The following MEIOC variants were observed in gnomAD, a reference collection of about 807,000 sequenced individuals.
The protein encoded by MEIOC is meiosis-specific coiled-coil domain-containing protein MEIOC.
Under a neutral mutation model 85.3 loss-of-function variants are expected in MEIOC, and 9 were observed. The ratio of observed to expected loss-of-function variants is 0.11; its 90% confidence interval spans 0.06 to 0.18. The LOEUF is 0.18. Ranked by LOEUF, MEIOC falls within the 10% of genes least tolerant of loss-of-function variation. The pLI is 1.00. For synonymous variants in MEIOC, 365 were observed against 393.7 expected (o/e 0.93, Z 0.86); for missense variants, 898 against 1,129.4 (o/e 0.80, Z 2.94).
intron 3 of MEIOC, among the ~76,000 whole-genome samples, chr17:44,663,557 A>G (rs960786739): frequency 1.8e-4 from 27 of 152,226 alleles, no homozygotes. Context: ...TAAAGTTGAT[A>G]CATGCTATTG....
chr17:44,666,497 T>A lies in MEIOC; in HGVS notation c.586T>A (p.Tyr196Asn). 1 of 1,600,526 alleles carries A rather than the reference T, an allele frequency of 6.2e-7. No homozygotes were observed. Among genetic ancestry groups the A allele is most frequent in the East Asian group, 2.2e-5 (1 of 44,688 alleles). ...TACAGTCATCTCTCAGCAAGCTTTT[T>A]ATAGTGATGAATCTGTGTCAGCAAT... The part of the protein sequence containing the change: ...IDTVISQQAF[Y>N]SDESVSAMEK... Residue 196 changes from tyrosine to asparagine, a missense_variant, in exon 5 of 8, where the codon TAT (tyrosine) becomes AAT (asparagine). Physicochemically the swap from Tyr to Asn is moderately radical, Grantham distance 143 (BLOSUM62 -2). This residue lies in a region of MEIOC where 734 missense variants were observed against 860.1 expected (regional missense o/e 0.85). Transcript: ENST00000409122.
Position 44,667,904 on chromosome 17 carries a change from T to C in MEIOC, c.1993T>C (p.Phe665Leu). 6.2e-7 allele frequency: 1 copy of C among 1,613,910 alleles called. No individual in the cohort carries two copies. The highest frequency in any genetic ancestry group is 8.5e-7 in the Non-Finnish European group (1 of 1,179,844). ...SRVNRTQVSC[F>L]SNNYMMGDLR... is the part of the protein sequence containing the mutation. ...TGTGAATCGCACACAAGTGTCATGC[T>C]TTTCTAATAATTATATGATGGGAGA... The change falls in exon 5 of 8, where the codon TTT becomes CTT. Residue 665 changes from phenylalanine (F) to leucine (L), a missense_variant. This residue lies in a region of MEIOC where 734 missense variants were observed against 860.1 expected (regional missense o/e 0.85). Coordinates refer to ENST00000409122, the MANE Select transcript of MEIOC (RefSeq NM_001145080.3).
In MEIOC at chr17:44,666,893, T is replaced by C. The variant is rs777258707; in HGVS notation, c.982T>C (p.Tyr328His). Residue 328 changes from tyrosine to histidine, a missense_variant, in exon 5 of 8, where the codon TAC becomes CAC. Around this residue, in one of 2 missense-constraint regions of MEIOC, gnomAD observed 734 missense variants for 860.1 expected, o/e 0.85. Coordinates refer to ENST00000409122, the MANE Select transcript of MEIOC (RefSeq NM_001145080.3). ...CAATGAAAATGTAGATTATTGTAGA[T>C]ACCCAGAGTATGTTCATCCTAATAA... ...RYNENVDYCR[Y>H]PEYVHPNKAK... 3.7e-6 allele frequency: 6 copies of C among 1,609,352 alleles called. No individual in the cohort carries two copies. The Middle Eastern group carries it at 5.0e-4, about 133-fold the overall frequency.
chr17:44,674,526 A>G lies in MEIOC; in HGVS notation c.*330A>G. 1 of 1,032,572 alleles carries G rather than the reference A, an allele frequency of 9.7e-7. No homozygotes were observed. The highest frequency in any genetic ancestry group is 1.2e-6 in the Non-Finnish European group (1 of 858,222). 64.0% of individuals were successfully genotyped at this position (1,032,572 alleles called of 1,614,324 possible). On this transcript the variant is annotated 3_prime_UTR_variant, in exon 8 of 8. Coordinates refer to ENST00000409122, the MANE Select transcript of MEIOC (RefSeq NM_001145080.3). ...AATGCAAATGTGAAATTCTTCTAGG[A>G]GATAAATTTCATTTAGGTTTGTCTT...
intron 1 of MEIOC, among the ~76,000 whole-genome samples, 183 bp from the exon 2 acceptor site, chr17:44,656,944 C>T (rs1038094995): frequency 6.6e-6 from 1 of 151,970 alleles, no homozygotes; most frequent in Non-Finnish European, 1.5e-5. Flanking sequence ...GGGGTCAGCA[C>T]TCAGGGGGCC....
At chr17:44,663,146 ATATT>A (rs1971861494) in intron 3 of MEIOC, among the ~76,000 whole-genome samples, 1 of 152,204 alleles carries the variant, frequency 6.6e-6, no homozygotes, top group Non-Finnish European at 1.5e-5. Context: ...CAAACATAAG[ATATT>A]TTAAATTATT....
chr17:44,660,238 A>ATTTTAT (rs143184020), intron 2 of MEIOC, among the ~76,000 whole-genome samples: 34 of 151,354 alleles, frequency 2.2e-4, no homozygotes, highest in African/African-American at 8.0e-4. Context: ...ATTTTATTTT[A>ATTTTAT]TTTATTTATT....
rs1316645307 is a variant in MEIOC at position 44,657,366 on chromosome 17, A to C, written c.204+105A>C. 3.7e-6 allele frequency: 4 copies of C among 1,071,386 alleles called. No individual in the cohort carries two copies. In the East Asian group the frequency reaches 1.1e-4, roughly 30 times the overall value. 66.4% of individuals were successfully genotyped at this position (1,071,386 alleles called of 1,614,324 possible). A position where few individuals can be genotyped will look rare whatever the true frequency, so the allele number is the denominator to read the frequency against. On this transcript the variant is annotated intron_variant, in intron 2 of 7. Transcript: ENST00000409122. ...ATGGCTCCACAGTTAAGGAAGAGAA[A>C]ACCAGGGAAAACTTTTTTTTTTTTT...
chr17:44,658,010 C>T (rs917586405), intron 2 of MEIOC, among the ~76,000 whole-genome samples: 3 of 151,674 alleles, frequency 2.0e-5, no homozygotes, highest in Non-Finnish European at 4.4e-5. Context: ...TGCCATCATG[C>T]CCGGCTAATT....
rs939695146 is a variant in MEIOC at position 44,657,173 on chromosome 17, G to A, written c.116G>A (p.Gly39Asp). 2 of 1,551,576 alleles carry A rather than the reference G, an allele frequency of 1.3e-6. No individual in the cohort carries two copies. Among genetic ancestry groups the A allele is most frequent in the South Asian group, 1.2e-5 (1 of 84,062 alleles). ...GGTGCGAATCGCTGTTGGAACCTCGGCGCCGACGCCGGCAGCAGGTTAACC... is the reference window on the plus strand; with the variant it reads ...GGTGCGAATCGCTGTTGGAACCTCGACGCCGACGCCGGCAGCAGGTTAACC... ...PGGANRCWNLGADAGSRLTDV... is the reference protein window; with the variant it reads ...PGGANRCWNLDADAGSRLTDV... Residue 39 changes from glycine to aspartate, a missense_variant, in exon 2 of 8, where the codon GGC becomes GAC. By Grantham distance (94) the Gly-to-Asp change is moderately conservative. Around this residue, in one of 2 missense-constraint regions of MEIOC, gnomAD observed 734 missense variants for 860.1 expected, o/e 0.85. Coordinates refer to ENST00000409122, the MANE Select transcript of MEIOC (RefSeq NM_001145080.3).
intron 7 of MEIOC, 195 bp from the exon 8 acceptor site, chr17:44,673,781 C>A: frequency 1.3e-6 from 1 of 755,838 alleles, no homozygotes; most frequent in Non-Finnish European, 2.1e-6. Flanking sequence ...CACTATTGTA[C>A]AAGTCAGAAA....
chr17:44,677,012 C>G, downstream of MEIOC: 5 of 929,208 alleles, frequency 5.4e-6, no homozygotes, highest in Non-Finnish European at 6.4e-6. Context: ...AAAGAACTGA[C>G]TACTAACAAA....
intron 2 of MEIOC, among the ~76,000 whole-genome samples, chr17:44,660,614 T>A (rs1384491442): frequency 6.6e-6 from 1 of 152,202 alleles, no homozygotes; most frequent in Admixed American, 6.5e-5. Context: ...AGTTATTGCA[T>A]CTCAGGTTTT....
At position 44,669,373 on chromosome 17, in the gene MEIOC, T is replaced by A; in HGVS notation, c.2323-10T>A. 1 of 1,553,518 alleles carries A rather than the reference T, an allele frequency of 6.4e-7. No homozygotes were observed. Among genetic ancestry groups the A allele is most frequent in the Non-Finnish European group, 8.7e-7 (1 of 1,147,708 alleles). On this transcript the variant is annotated splice_polypyrimidine_tract_variant and intron_variant, in intron 5 of 7. Coordinates refer to ENST00000409122, the MANE Select transcript of MEIOC (RefSeq NM_001145080.3). ...AATTCTACATCTAAAAAGTATGTAA[T>A]TTTTTACAGACTGAATTAGCCCTTG...
chr17:44,662,906 A>G (rs1470919855), intron 3 of MEIOC, among the ~76,000 whole-genome samples: 1 of 152,206 alleles, frequency 6.6e-6, no homozygotes, highest in Non-Finnish European at 1.5e-5. Context: ...GCCTCAAACC[A>G]TCCTCCCACC....
rs201039364 is a variant in MEIOC, at chr17:44,668,271, T to C, written c.2322+38T>C. ...TAACCACTTAGGAATAACAGTATGTTCCTTTTGCCTGTCTTCATTCTGTTT... is the reference window on the plus strand; with the variant it reads ...TAACCACTTAGGAATAACAGTATGTCCCTTTTGCCTGTCTTCATTCTGTTT... On this transcript the variant is annotated intron_variant, in intron 5 of 7. Transcript: ENST00000409122. 4.2e-4 allele frequency: 637 copies of C among 1,516,630 alleles called. 1 individual carries two copies. The highest frequency in any genetic ancestry group is 1.2e-3 in the Middle Eastern group (7 of 5,680). 93.9% of individuals were successfully genotyped at this position (1,516,630 alleles called of 1,614,324 possible).
chr17:44,672,618 C>G (rs1359677584), intron 6 of MEIOC, among the ~76,000 whole-genome samples: 6 of 152,174 alleles, frequency 3.9e-5, no homozygotes, highest in African/African-American at 1.4e-4. Flanking sequence ...TTTACTTGAT[C>G]TTCAAATTGC....
chr17:44,667,260 C>T lies in MEIOC; in HGVS notation c.1349C>T (p.Pro450Leu). 1 of 1,613,784 alleles carries T rather than the reference C, an allele frequency of 6.2e-7. No homozygotes were observed. The highest frequency in any genetic ancestry group is 8.5e-7 in the Non-Finnish European group (1 of 1,179,856). Reference protein sequence around the residue: ...EKQQFAKPDPPHSEYFKSVNL... With the variant: ...EKQQFAKPDPLHSEYFKSVNL... ...CAACAGTTTGCTAAACCTGATCCCC[C>T]ACATTCTGAGTATTTTAAATCAGTG... The change falls in exon 5 of 8, where the codon CCA becomes CTA. Residue 450 changes from proline (P) to leucine (L), a missense_variant. Physicochemically the swap from Pro to Leu is moderately conservative, Grantham distance 98 (BLOSUM62 -3). Around this residue, in one of 2 missense-constraint regions of MEIOC, gnomAD observed 734 missense variants for 860.1 expected, o/e 0.85. Coordinates refer to ENST00000409122, the MANE Select transcript of MEIOC (RefSeq NM_001145080.3).
chr17:44,657,352 G>T, intron 2 of MEIOC, 91 bp downstream of exon 2: 258 of 701,022 alleles, frequency 3.7e-4, no homozygotes, highest in Non-Finnish European at 4.9e-4. Context: ...TGGCTCCACA[G>T]TTAAGGAAGA....
Sources: allele counts gnomAD v4.1 joint callset (sites outside exome capture counted in the v4.1 genomes callset), GRCh38; gene constraint gnomAD v4.1.1; regional missense constraint gnomAD v4.1.1; transcripts MANE v1.5; gene names NCBI Gene and HGNC (gene_info 2026-07-23, HGNC 2026-07-21).